ABCA13: variants seen among roughly 807,000 people sequenced by gnomAD.
ABCA13 encodes ATP-binding cassette sub-family A member 13.
In ABCA13, 476 loss-of-function variants were observed where a neutral mutation model predicts 478.7. That is an observed-to-expected ratio of 0.99 (90% CI 0.92 to 1.07). The LOEUF (loss-of-function observed/expected upper bound fraction) is 1.07. Ranked by LOEUF, ABCA13 falls within the 50% of genes least tolerant of loss-of-function variation. ABCA13 has a pLI of 0.00. For missense variants in ABCA13, 6,060 were observed against 5,910.6 expected (o/e 1.03, Z -0.83); for synonymous variants, 2,252 against 2,158.9 (o/e 1.04, Z -1.20).
chr7:48,516,974 A>C, intron 52 of ABCA13, 93 bp downstream of exon 52: 1 of 1,363,664 alleles, frequency 7.3e-7, no homozygotes, highest in Non-Finnish European at 1.0e-6. Context: ...TTCTGACTGG[A>C]ATTCAATGGA....
intron 40 of ABCA13, among the ~76,000 whole-genome samples, chr7:48,411,345 G>A (rs975550208): frequency 6.8e-5 from 5 of 73,404 alleles, no homozygotes; most frequent in African/African-American, 2.5e-4. Context: ...GTCTTGCTCT[G>A]TTGCCCAGGC....
At chr7:48,510,030 T>G (rs754612116) in intron 50 of ABCA13, among the ~76,000 whole-genome samples, 4 of 152,224 alleles carry the variant, frequency 2.6e-5, no homozygotes, top group Non-Finnish European at 5.9e-5. Context: ...TATAAGATAC[T>G]TGGTCTGTGT....
rs377081983 is a variant in ABCA13 at position 48,278,556 on chromosome 7, G to T, written c.7362G>T (p.Thr2454=). Residue 2454 remains threonine, a synonymous_variant, in exon 18 of 62, where the codon ACG becomes ACT. Coordinates refer to ENST00000435803, the MANE Select transcript of ABCA13 (RefSeq NM_152701.5). The part of the protein sequence containing the change: ...TLQEVILANL[T]DLLFFINNSF... Reference sequence around the variant, plus strand: ...AAGAAGTTATACTTGCTAATCTAACGGATTTGCTTTTCTTTATAAATAATT... The same window carrying T: ...AAGAAGTTATACTTGCTAATCTAACTGATTTGCTTTTCTTTATAAATAATT... 2 of 1,613,772 alleles carry T rather than the reference G, an allele frequency of 1.2e-6. No homozygotes were observed. The highest frequency in any genetic ancestry group is 1.6e-4 in the Middle Eastern group (1 of 6,062).
chr7:48,367,392 T>G (rs1417252549), intron 31 of ABCA13, among the ~76,000 whole-genome samples: 4 of 152,192 alleles, frequency 2.6e-5, no homozygotes, highest in Non-Finnish European at 5.9e-5. Flanking sequence ...ATTTGCCAAT[T>G]TTCACGTATT....
At chr7:48,342,901 G>A (rs540001786) in intron 29 of ABCA13, among the ~76,000 whole-genome samples, 3 of 151,872 alleles carry the variant, frequency 2.0e-5, no homozygotes, top group Admixed American at 6.6e-5. Context: ...TGCATTTTCC[G>A]CTTAAAATTT....
intron 15 of ABCA13, among the ~76,000 whole-genome samples, chr7:48,264,481 A>G (rs1794616294): frequency 6.6e-6 from 1 of 151,820 alleles, no homozygotes. Flanking sequence ...TCATTCCAAT[A>G]GATGTGTAGT....
chr7:48,330,907 G>T (rs564156178), intron 27 of ABCA13, among the ~76,000 whole-genome samples: 3 of 152,160 alleles, frequency 2.0e-5, no homozygotes, highest in Admixed American at 1.3e-4. Flanking sequence ...TGCTGTATCC[G>T]TGGGTTTTTC....
intron 15 of ABCA13, among the ~76,000 whole-genome samples, chr7:48,260,576 A>G (rs888579305): frequency 4.0e-5 from 6 of 151,818 alleles, no homozygotes; most frequent in African/African-American, 1.5e-4. Context: ...ACACTGTTCT[A>G]TTTTTCTTGA....
intron 33 of ABCA13, among the ~76,000 whole-genome samples, chr7:48,372,862 T>TAAAACATTAAAACATGTAAAAGA (rs1812874694): frequency 6.6e-6 from 1 of 152,216 alleles, no homozygotes; most frequent in African/African-American, 2.4e-5. Flanking sequence ...CTTGAAACAT[T>TAAAACATTAAAACATGTAAAAGA]ATGAATTACA....
At chr7:48,172,772 T>C (rs1471762243) in intron 1 of ABCA13, among the ~76,000 whole-genome samples, 1 of 111,030 alleles carries the variant, frequency 9.0e-6, no homozygotes, top group Non-Finnish European at 1.7e-5. Flanking sequence ...CACTCCAGCC[T>C]GGGCGACAGA....
At chr7:48,363,226 C>T (rs17548588) in intron 31 of ABCA13, among the ~76,000 whole-genome samples, 2 of 152,128 alleles carry the variant, frequency 1.3e-5, no homozygotes, top group African/African-American at 4.8e-5. Context: ...ATTTGAAGGA[C>T]ATCTTGGCTG....
chr7:48,418,759 T>C (rs572056553), intron 41 of ABCA13, among the ~76,000 whole-genome samples: 1 of 152,354 alleles, frequency 6.6e-6, no homozygotes, highest in South Asian at 2.1e-4. Context: ...TGCAGTGGTG[T>C]ATTTTCAGAT....
chr7:48,187,835 G>T (rs1562729452), intron 1 of ABCA13, among the ~76,000 whole-genome samples: 2 of 152,166 alleles, frequency 1.3e-5, no homozygotes, highest in East Asian at 3.9e-4. Context: ...CACTTGTAAA[G>T]AAATTCTTCA....
intron 61 of ABCA13, among the ~76,000 whole-genome samples, chr7:48,645,072 G>A (rs1306497335): frequency 6.6e-6 from 1 of 152,130 alleles, no homozygotes; most frequent in African/African-American, 2.4e-5. Context: ...GGGCTTCACT[G>A]TAATCAAATG....
intron 27 of ABCA13, among the ~76,000 whole-genome samples, chr7:48,329,328 A>G (rs2128927528): frequency 6.6e-6 from 1 of 152,366 alleles, no homozygotes; most frequent in Non-Finnish European, 1.5e-5. Context: ...CGAAAAGTGT[A>G]TACAAGATAA....
chr7:48,448,583 A>C (rs1824590344), intron 42 of ABCA13, among the ~76,000 whole-genome samples: 1 of 152,254 alleles, frequency 6.6e-6, no homozygotes, highest in East Asian at 1.9e-4. Flanking sequence ...ATGATGAATT[A>C]GCCACATAGG....
At chr7:48,364,602 A>G (rs975787050) in intron 31 of ABCA13, among the ~76,000 whole-genome samples, 2 of 151,856 alleles carry the variant, frequency 1.3e-5, no homozygotes, top group Non-Finnish European at 2.9e-5. Flanking sequence ...TCACTACTCT[A>G]CTTTCTACCT....
intron 55 of ABCA13, among the ~76,000 whole-genome samples, chr7:48,528,764 CCT>C (rs1208618922): frequency 2.0e-5 from 3 of 152,142 alleles, no homozygotes; most frequent in Non-Finnish European, 4.4e-5. Context: ...ACCCAGACTT[CCT>C]CTTTCAGGTG....
rs371798599 is a variant in ABCA13 at position 48,399,137 on chromosome 7, G to A, written c.11874-4546G>A. ...GAGAAATTGGCAGCAGCACATCTTA[G>A]GAGTTTTGCTGCAAAAAAAGCAAAG... On this transcript the variant is annotated intron_variant, in intron 38 of 61. Coordinates refer to ENST00000435803, the MANE Select transcript of ABCA13 (RefSeq NM_152701.5). Among the ~76,000 whole-genome samples the A allele has an allele frequency of 9.2e-4, 140 of 152,254 alleles. 1 individual carries two copies. Among genetic ancestry groups the A allele is most frequent in the African/African-American group, 3.2e-3 (131 of 41,534 alleles).
Sources: gnomAD v4.1 joint callset for allele counts (sites outside exome capture counted in the v4.1 genomes callset) on GRCh38, gnomAD v4.1.1 for gene constraint, MANE v1.5 for transcripts, NCBI Gene and HGNC (gene_info 2026-07-23, HGNC 2026-07-21) for gene names.